Variants in ADCY8 observed in about 807,000 individuals in gnomAD.
ADCY8 encodes the protein adenylate cyclase 8.
Under a neutral mutation model 119.7 loss-of-function variants are expected in ADCY8, and 51 were observed. The observed-to-expected ratio is 0.43, with a 90% confidence interval of 0.34 to 0.54. The LOEUF (loss-of-function observed/expected upper bound fraction) is 0.54. Ranked by LOEUF, ADCY8 falls within the 20% of genes least tolerant of loss-of-function variation. The pLI, the probability that ADCY8 is intolerant of heterozygous loss-of-function variation, is 0.03. For synonymous variants in ADCY8, 665 were observed against 651.0 expected (o/e 1.02, Z -0.33); for missense variants, 1,383 against 1,598.8 (o/e 0.87, Z 2.30).
intron 13 of ADCY8, among the ~76,000 whole-genome samples, chr8:130,816,420 T>C (rs1343021337): frequency 9.3e-6 from 1 of 107,086 alleles, no homozygotes; most frequent in Non-Finnish European, 2.0e-5. Context: ...TTAATTAATT[T>C]TTTTTTCTTT....
At chr8:131,026,069 A>G (rs1823814132) in intron 1 of ADCY8, among the ~76,000 whole-genome samples, 1 of 152,248 alleles carries the variant, frequency 6.6e-6, no homozygotes, top group South Asian at 2.1e-4. Flanking sequence ...GAAAGCATGC[A>G]TTAATGAATG....
intron 8 of ADCY8, 78 bp from the exon 9 acceptor site, chr8:130,868,024 A>G: frequency 1.1e-6 from 1 of 899,466 alleles, no homozygotes; most frequent in Non-Finnish European, 1.7e-6. Context: ...ATCAAGAAGA[A>G]ACAAGGCAAT....
intron 8 of ADCY8, 78 bp downstream of exon 8, chr8:130,884,486 C>T (rs1272252865): frequency 2.7e-6 from 4 of 1,486,148 alleles, no homozygotes; most frequent in Non-Finnish European, 3.7e-6. Flanking sequence ...ACCACAGCCC[C>T]TGGGCTCTCT....
rs1213032891 is a variant in ADCY8 at position 130,821,841 on chromosome 8, GGACTTA to G, written c.2676-427_2676-422del. Among the ~76,000 whole-genome samples the G allele has an allele frequency of 5.9e-5, 9 of 152,292 alleles. No homozygotes were observed. The South Asian group carries it at 1.2e-3, about 21-fold the overall frequency. ...AGTTCAACTCATCAGGATTGGACAG[GGACTTA>G]GACTTAGGAGTGAAAATGTACATTC... is the stretch of plus-strand genomic sequence containing the variant. On this transcript the variant is annotated intron_variant, in intron 12 of 17. Transcript: ENST00000286355.
chr8:130,868,900 G>A (rs937353121), intron 8 of ADCY8, among the ~76,000 whole-genome samples: 28 of 152,138 alleles, frequency 1.8e-4, no homozygotes, highest in African/African-American at 5.3e-4. Flanking sequence ...AACATCTTAG[G>A]CTCTATGTCC....
At chr8:130,863,052 T>A (rs1817996311) in intron 9 of ADCY8, among the ~76,000 whole-genome samples, 1 of 152,188 alleles carries the variant, frequency 6.6e-6, no homozygotes, top group South Asian at 2.1e-4. Flanking sequence ...ATGTATTAAT[T>A]ACTGACAGAG....
chr8:131,018,064 G>T lies in ADCY8; in HGVS notation c.960+21310C>A, dbSNP rs756061979. Among the ~76,000 whole-genome samples, 31 of 152,300 alleles carry T rather than the reference G, an allele frequency of 2.0e-4. 1 individual carries two copies. The highest frequency in any genetic ancestry group is 1.6e-3 in the Admixed American group (25 of 15,300). On this transcript the variant is annotated intron_variant, in intron 1 of 17. Coordinates refer to ENST00000286355, the MANE Select transcript of ADCY8 (RefSeq NM_001115.3). ...ATTAATGTTACGGGTAATTGAGGGAGTTTGTCATTTGGAATAAGTGTTGGT... is the reference window on the plus strand; with the variant it reads ...ATTAATGTTACGGGTAATTGAGGGATTTTGTCATTTGGAATAAGTGTTGGT...
At chr8:131,019,833 C>CTCTG (rs1563770592) in intron 1 of ADCY8, among the ~76,000 whole-genome samples, 3 of 111,350 alleles carry the variant, frequency 2.7e-5, no homozygotes, top group East Asian at 3.1e-4. Flanking sequence ...CTCTCTCTCT[C>CTCTG]TCTCTGTCTG....
At chr8:130,833,623 G>A (rs1816903361) in intron 12 of ADCY8, among the ~76,000 whole-genome samples, 1 of 152,090 alleles carries the variant, frequency 6.6e-6, no homozygotes, top group South Asian at 2.1e-4. Context: ...TCTGGATCTG[G>A]GACTTCCCAG....
At chr8:130,939,870 TAA>T (rs1820905731) in intron 4 of ADCY8, among the ~76,000 whole-genome samples, 1 of 152,164 alleles carries the variant, frequency 6.6e-6, no homozygotes, top group South Asian at 2.1e-4. Flanking sequence ...GCAGAGCAGG[TAA>T]AGTCACGTCT....
intron 11 of ADCY8, among the ~76,000 whole-genome samples, chr8:130,837,711 C>T (rs1003756788): frequency 6.6e-6 from 1 of 151,980 alleles, no homozygotes; most frequent in Non-Finnish European, 1.5e-5. Flanking sequence ...CTATCAGGAA[C>T]AAAAAACAAA....
intron 9 of ADCY8, among the ~76,000 whole-genome samples, chr8:130,866,361 A>G (rs1412114276): frequency 6.6e-6 from 1 of 151,990 alleles, no homozygotes; most frequent in East Asian, 1.9e-4. Flanking sequence ...TCATGCTACA[A>G]TCTTCCTAAA....
At chr8:131,026,273 A>T (rs1823820585) in intron 1 of ADCY8, among the ~76,000 whole-genome samples, 2 of 152,194 alleles carry the variant, frequency 1.3e-5, no homozygotes, top group African/African-American at 4.8e-5. Flanking sequence ...GCAAGGACAC[A>T]GTCGGAAGAT....
In ADCY8 at chr8:130,780,391, T is replaced by C; in HGVS notation, c.3755A>G (p.Ter1252=). 6.9e-7 allele frequency: 1 copy of C among 1,458,434 alleles called. No homozygotes were observed. The highest frequency in any genetic ancestry group is 9.1e-7 in the Non-Finnish European group (1 of 1,101,620). 90.3% of individuals were successfully genotyped at this position (1,458,434 alleles called of 1,614,324 possible). Reference sequence around the variant, plus strand: ...AAAAAAAACAGAAAGAAAATGCTTTTATGGCAAATCAGATTTGTCGGTGCC... The same window carrying C: ...AAAAAAAACAGAAAGAAAATGCTTTCATGGCAAATCAGATTTGTCGGTGCC... ...AEGTDKSDLP[*] Residue 1252 remains the stop codon, a stop_retained_variant, in exon 18 of 18, where the codon TAA becomes TGA. Transcript: ENST00000286355.
intron 14 of ADCY8, 94 bp downstream of exon 14, chr8:130,813,975 C>A: frequency 6.8e-7 from 1 of 1,470,336 alleles, no homozygotes; most frequent in Non-Finnish European, 9.3e-7. Context: ...CACATGATGA[C>A]AGTGAAATTC....
At chr8:130,864,350 A>G (rs1357091743) in intron 9 of ADCY8, among the ~76,000 whole-genome samples, 1 of 152,078 alleles carries the variant, frequency 6.6e-6, no homozygotes, top group Non-Finnish European at 1.5e-5. Flanking sequence ...TTAACCTTTA[A>G]AATTCTGTGT....
chr8:130,931,604 A>G (rs1176615352), intron 5 of ADCY8, among the ~76,000 whole-genome samples: 1 of 152,114 alleles, frequency 6.6e-6, no homozygotes, highest in Non-Finnish European at 1.5e-5. Flanking sequence ...ATGTTGTCCT[A>G]TAAATCTTGT....
chr8:130,879,209 G>A (rs1006199787), intron 8 of ADCY8, among the ~76,000 whole-genome samples: 15 of 152,242 alleles, frequency 9.9e-5, no homozygotes, highest in African/African-American at 3.6e-4. Context: ...TCTTGTAAGT[G>A]CTCTGAAAAT....
At chr8:130,893,824 GTTT>G (rs1819288343) in intron 7 of ADCY8, among the ~76,000 whole-genome samples, 1 of 119,270 alleles carries the variant, frequency 8.4e-6, no homozygotes, top group Non-Finnish European at 1.9e-5. Flanking sequence ...GCGTGTGTGT[GTTT>G]GTGGGTGTGC....
Sources: gnomAD v4.1 joint callset for allele counts (sites outside exome capture counted in the v4.1 genomes callset) on GRCh38, gnomAD v4.1.1 for gene constraint, MANE v1.5 for transcripts, NCBI Gene and HGNC (gene_info 2026-07-23, HGNC 2026-07-21) for gene names.